Variants in LGSN observed in about 807,000 individuals in gnomAD.
LGSN encodes the protein lengsin.
Under a neutral mutation model 19.5 loss-of-function variants are expected in LGSN, and 21 were observed. The ratio of observed to expected loss-of-function variants is 1.07; its 90% CI spans 0.76 to 1.55. LGSN has a LOEUF of 1.55. LGSN is among the 40% of genes most tolerant of loss of function. The probability of loss-of-function intolerance (pLI) is 0.00; values close to 1 mark genes in which losing one functional copy is unlikely to be tolerated. For missense variants in LGSN, 673 were observed against 608.5 expected (o/e 1.11, Z -1.12); for synonymous variants, 257 against 215.6 (o/e 1.19, Z -1.68).
rs1467135681 is a variant in LGSN, at chr6:63,281,186, C to T, written c.365G>A (p.Gly122Asp). The T allele has an allele frequency of 6.2e-7, 1 of 1,604,724 alleles. No homozygotes were observed. The highest frequency in any genetic ancestry group is 1.7e-5 in the Admixed American group (1 of 58,752). ...TGGATTTGGTATCACTTCAAGATAA[C>T]CTCGGGGCATGCAAACACCATGGCT... is the stretch of plus-strand genomic sequence containing the variant. ...KVSHGVCMPR[G>D]YLEVIPNPKD... The change falls in exon 4 of 4, where the codon GGT becomes GAT. Residue 122 changes from glycine (G) to aspartate (D), a missense_variant. Physicochemically the swap from Gly to Asp is moderately conservative, Grantham distance 94 (BLOSUM62 -1). Coordinates refer to ENST00000370657, the MANE Select transcript of LGSN (RefSeq NM_016571.3).
At chr6:63,377,327 G>A in the LGSN span, among the ~76,000 whole-genome samples, 1 of 152,154 alleles carries the variant, frequency 6.6e-6, no homozygotes, top group Admixed American at 6.5e-5. Context: ...ATAGAATGGG[G>A]GTTGGTAACC....
chr6:63,482,553 A>G, the LGSN span, among the ~76,000 whole-genome samples: 8 of 152,126 alleles, frequency 5.3e-5, no homozygotes, highest in Non-Finnish European at 1.2e-4. Flanking sequence ...GCATAGCAAG[A>G]CTCCATCTCT....
chr6:63,406,620 A>G, the LGSN span, among the ~76,000 whole-genome samples: 5 of 151,742 alleles, frequency 3.3e-5, no homozygotes, highest in African/African-American at 9.7e-5. Context: ...TAAAAGAACT[A>G]GAAAAGCAAG....
chr6:63,412,563 AAAGAAAGG>A, the LGSN span, among the ~76,000 whole-genome samples: 10 of 136,406 alleles, frequency 7.3e-5, no homozygotes, highest in Non-Finnish European at 7.6e-5. Context: ...AGAAAGAAAG[AAAGAAAGG>A]AAGGAAGGAA....
chr6:63,525,101 T>C, the LGSN span, among the ~76,000 whole-genome samples: 81,362 of 152,028 alleles, frequency 0.54, 23,622 homozygotes, highest in African/African-American at 0.77. Context: ...TGCATCAAAT[T>C]ATTCAAGGCT....
the LGSN span, among the ~76,000 whole-genome samples, chr6:63,545,367 T>C: frequency 1.3e-5 from 2 of 152,180 alleles, no homozygotes; most frequent in African/African-American, 4.8e-5. Context: ...CCCAGCACTT[T>C]GGGAGGCGGA....
the LGSN span, among the ~76,000 whole-genome samples, chr6:63,446,778 A>T: frequency 6.6e-6 from 1 of 152,314 alleles, no homozygotes; most frequent in South Asian, 2.1e-4. Flanking sequence ...GGCCGGGAGC[A>T]GTGGCTCATG....
intron 1 of LGSN, among the ~76,000 whole-genome samples, chr6:63,315,446 C>T (rs1363739013): frequency 6.6e-6 from 1 of 152,078 alleles, no homozygotes; most frequent in East Asian, 1.9e-4. Context: ...TCTACAATGC[C>T]TCTGTAGCTT....
the LGSN span, among the ~76,000 whole-genome samples, chr6:63,553,175 G>T: frequency 6.6e-6 from 1 of 152,100 alleles, no homozygotes; most frequent in African/African-American, 2.4e-5. Context: ...TACAAATTTT[G>T]CCTCATCAAA....
At chr6:63,349,377 C>T in the LGSN span, among the ~76,000 whole-genome samples, 80 of 152,134 alleles carry the variant, frequency 5.3e-4, no homozygotes, top group African/African-American at 1.9e-3. Flanking sequence ...CTAAAAAGGC[C>T]CCTAAATTCC....
At chr6:63,393,091 A>G in the LGSN span, among the ~76,000 whole-genome samples, 1 of 151,100 alleles carries the variant, frequency 6.6e-6, no homozygotes. Flanking sequence ...GTTTCACCGC[A>G]TTAGCCAGGA....
chr6:63,560,732 A>C, the LGSN span, among the ~76,000 whole-genome samples: 1 of 152,170 alleles, frequency 6.6e-6, no homozygotes, highest in African/African-American at 2.4e-5. Context: ...AATTAAGTTC[A>C]ATAGAAATAA....
At chr6:63,288,676 C>T (rs986581929) in intron 2 of LGSN, among the ~76,000 whole-genome samples, 4 of 152,194 alleles carry the variant, frequency 2.6e-5, no homozygotes, top group African/African-American at 9.7e-5. Flanking sequence ...GTTCTGAAGG[C>T]TAGAGGTCCG....
the LGSN span, among the ~76,000 whole-genome samples, chr6:63,449,674 C>G: frequency 1.3e-5 from 2 of 151,982 alleles, no homozygotes; most frequent in African/African-American, 4.8e-5. Context: ...AGGGTATCCC[C>G]CCAGAGAAAG....
At chr6:63,557,427 T>C in the LGSN span, among the ~76,000 whole-genome samples, 6 of 151,922 alleles carry the variant, frequency 3.9e-5, 1 homozygote, top group African/African-American at 1.4e-4. Flanking sequence ...TTATCTGGTG[T>C]AGTGTGCGTG....
chr6:63,325,621 G>A, the LGSN span, among the ~76,000 whole-genome samples: 3 of 152,138 alleles, frequency 2.0e-5, no homozygotes, highest in African/African-American at 7.2e-5. Context: ...GGTGGGTTCT[G>A]GGTCTCACTG....
the LGSN span, among the ~76,000 whole-genome samples, chr6:63,374,821 AACCT>A: frequency 1.2e-4 from 19 of 152,164 alleles, no homozygotes; most frequent in African/African-American, 4.6e-4. Flanking sequence ...CTGATAACAA[AACCT>A]ACACCTAGCT....
chr6:63,529,177 GTA>G, the LGSN span, among the ~76,000 whole-genome samples: 3 of 142,300 alleles, frequency 2.1e-5, no homozygotes, highest in African/African-American at 7.8e-5. Context: ...ATATATATAT[GTA>G]TATATATGTG....
At chr6:63,453,715 G>A in the LGSN span, among the ~76,000 whole-genome samples, 2 of 151,964 alleles carry the variant, frequency 1.3e-5, no homozygotes, top group East Asian at 1.9e-4. Flanking sequence ...GTGCAGTGGC[G>A]GGATCTCGGC....
Sources: allele counts gnomAD v4.1 joint callset (sites outside exome capture counted in the v4.1 genomes callset), GRCh38; gene constraint gnomAD v4.1.1; transcripts MANE v1.5; gene names NCBI Gene and HGNC (gene_info 2026-07-23, HGNC 2026-07-21).